Variants in L3HYPDH observed in about 807,000 individuals in gnomAD.
The protein encoded by L3HYPDH is trans-L-3-hydroxyproline dehydratase.
L3HYPDH carries 32 observed loss-of-function variants against 26.5 expected under a neutral mutation model. The observed-to-expected ratio is 1.21, with a 90% CI of 0.91 to 1.62. The LOEUF is 1.62. Among genes scored for constraint, L3HYPDH ranks in the 40% most tolerant of loss-of-function variants. The pLI is 0.00. For synonymous variants in L3HYPDH, 215 were observed against 196.6 expected (o/e 1.09, Z -0.78); for missense variants, 554 against 476.4 (o/e 1.16, Z -1.52).
At chr14:59,499,089 T>A in the L3HYPDH span, among the ~76,000 whole-genome samples, 1 of 143,446 alleles carries the variant, frequency 7.0e-6, no homozygotes, top group Non-Finnish European at 1.5e-5. Flanking sequence ...AGTGGCATGA[T>A]CTCGGTTCAC....
rs1341659245 is a variant in L3HYPDH at position 59,476,195 on chromosome 14, T to A, written c.698A>T (p.Asp233Val). 1 of 1,596,074 alleles carries A rather than the reference T, an allele frequency of 6.3e-7. No homozygotes were observed. The highest frequency in any genetic ancestry group is 8.6e-7 in the Non-Finnish European group (1 of 1,169,404). ...ATATAAAAAGGCAAGGTCTTCACTA[T>A]CAGGATGATTAATTTTAAACTGCAA... ...VKAQFKINHP[D>V]SEDLAFLYGT... is the part of the protein sequence containing the mutation. The change falls in exon 3 of 5, where the codon GAT (aspartate) becomes GTT (valine). Residue 233 changes from aspartate to valine, a missense_variant. Physicochemically the swap from Asp to Val is radical, Grantham distance 152. Transcript: ENST00000247194.
chr14:59,490,810 T>C, the L3HYPDH span, among the ~76,000 whole-genome samples: 3 of 152,180 alleles, frequency 2.0e-5, no homozygotes, highest in African/African-American at 7.2e-5. Flanking sequence ...AGAATAATTG[T>C]CCAGTCAATT....
the L3HYPDH span, chr14:59,498,802 G>A: frequency 4.3e-6 from 7 of 1,610,236 alleles, no homozygotes; most frequent in Non-Finnish European, 5.1e-6. Flanking sequence ...TGGTGAAGAA[G>A]ATTGCATGTG....
At position 59,484,107 on chromosome 14, in the gene L3HYPDH, T is replaced by C. The variant is rs760043517; in HGVS notation, c.210A>G (p.Arg70=). 7.8e-5 allele frequency: 125 copies of C among 1,604,774 alleles called. 3 individuals are homozygous for C. Among genetic ancestry groups the C allele is most frequent in the Non-Finnish European group, 9.0e-5 (106 of 1,179,234 alleles). The change falls in exon 1 of 5, where the codon CGA becomes CGG. Residue 70 remains arginine (R), a synonymous_variant. Coordinates refer to ENST00000247194, the MANE Select transcript of L3HYPDH (RefSeq NM_144581.2). ...HVRRRLMFEP[R]GHRDMYGAVL... ...CCGCCCCGTACATGTCCCGGTGCCC[T>C]CGGGGCTCGAACATGAGCCGTCGCC...
At chr14:59,479,154 T>A (rs1467009203) in intron 2 of L3HYPDH, 28 bp downstream of exon 2, 3 of 1,534,574 alleles carry the variant, frequency 2.0e-6, no homozygotes, top group Non-Finnish European at 1.8e-6. Context: ...GAGAAGGGAA[T>A]TGGTTATGAA....
intron 2 of L3HYPDH, among the ~76,000 whole-genome samples, chr14:59,478,097 T>A (rs985712787): frequency 3.3e-5 from 5 of 152,226 alleles, no homozygotes; most frequent in African/African-American, 1.2e-4. Flanking sequence ...GAATTAATGT[T>A]CTCTATGAAA....
chr14:59,476,028 C>A (rs1566560645), intron 3 of L3HYPDH, 22 bp from the exon 4 acceptor site: 2 of 1,613,756 alleles, frequency 1.2e-6, no homozygotes, highest in South Asian at 2.2e-5. Context: ...TAAATGAAGA[C>A]AGAATGTTCA....
At chr14:59,469,558 TAAAAAAAAAAAAAAAAAA>T (rs36113229), downstream of L3HYPDH, among the ~76,000 whole-genome samples, 14 of 43,310 alleles carry the variant, frequency 3.2e-4, no homozygotes, top group Admixed American at 4.7e-3. Context: ...TCCATCTCAT[TAAAAAAAAAAAAAAAAAA>T]AAAAAAAAAA....
chr14:59,483,711 G>A (rs994027798), intron 1 of L3HYPDH, 98 bp downstream of exon 1: 2 of 1,514,452 alleles, frequency 1.3e-6, no homozygotes, highest in South Asian at 1.2e-5. Context: ...TCGCGGAGTA[G>A]GTTAGTTGCC....
chr14:59,490,759 T>G, the L3HYPDH span, among the ~76,000 whole-genome samples: 1 of 152,190 alleles, frequency 6.6e-6, no homozygotes, highest in Non-Finnish European at 1.5e-5. Flanking sequence ...AATAGAATGA[T>G]GAGAGATGGG....
intron 1 of L3HYPDH, among the ~76,000 whole-genome samples, chr14:59,482,638 T>C (rs1890107607): frequency 6.6e-6 from 1 of 152,214 alleles, no homozygotes; most frequent in African/African-American, 2.4e-5. Flanking sequence ...CACCATTCTC[T>C]GGGAAAATGG....
chr14:59,490,849 A>G, the L3HYPDH span, among the ~76,000 whole-genome samples: 1 of 152,232 alleles, frequency 6.6e-6, no homozygotes, highest in Non-Finnish European at 1.5e-5. Context: ...CACAGTAAAG[A>G]AGAGCTAACA....
At chr14:59,484,721 G>C (rs923819703), upstream of L3HYPDH, 4 of 1,221,112 alleles carry the variant, frequency 3.3e-6, no homozygotes, top group African/African-American at 3.0e-5. Flanking sequence ...CCTTGACCCC[G>C]CCCGCCCTCG....
At chr14:59,484,962 T>C, upstream of L3HYPDH, 2 of 1,530,926 alleles carry the variant, frequency 1.3e-6, no homozygotes, top group East Asian at 4.5e-5. Flanking sequence ...GCTGCATAAT[T>C]TGTCTACTGC....
At chr14:59,480,265 T>C (rs958553823) in intron 1 of L3HYPDH, among the ~76,000 whole-genome samples, 8 of 151,950 alleles carry the variant, frequency 5.3e-5, no homozygotes, top group African/African-American at 7.3e-5. Flanking sequence ...TTGAGAAGAG[T>C]GGAGGCTGAA....
chr14:59,496,744 C>T, the L3HYPDH span, among the ~76,000 whole-genome samples: 1 of 152,174 alleles, frequency 6.6e-6, no homozygotes, highest in Non-Finnish European at 1.5e-5. Context: ...TTTGTCTATT[C>T]ACTATCCCTG....
intron 1 of L3HYPDH, among the ~76,000 whole-genome samples, chr14:59,465,676 G>T (rs959944055): frequency 1.3e-5 from 2 of 152,152 alleles, no homozygotes; most frequent in Admixed American, 1.3e-4. Context: ...GTGGTGGGGG[G>T]GGCACTCTGC....
chr14:59,487,627 TTGTAAAATAATATC>T (rs1455729464), upstream of L3HYPDH: 14 of 1,461,132 alleles, frequency 9.6e-6, no homozygotes, highest in Non-Finnish European at 1.3e-5. Flanking sequence ...GGTGTTAATG[TTGTAAAATAATATC>T]TGTACACAAA....
At chr14:59,487,512 ATTTCT>A (rs915415654), upstream of L3HYPDH, 108 of 555,316 alleles carry the variant, frequency 1.9e-4, no homozygotes, top group African/African-American at 1.4e-3. Flanking sequence ...TACAATATAG[ATTTCT>A]TTTTATTTTA....
Sources: allele counts gnomAD v4.1 joint callset (sites outside exome capture counted in the v4.1 genomes callset), GRCh38; gene constraint gnomAD v4.1.1; transcripts MANE v1.5; gene names NCBI Gene and HGNC (gene_info 2026-07-23, HGNC 2026-07-21).